Variants in PIAS3 observed in about 807,000 individuals in gnomAD.
The protein encoded by PIAS3 is E3 SUMO-protein ligase PIAS3.
A neutral mutation model predicts 67.6 loss-of-function variants in PIAS3; 34 were observed. The observed-to-expected ratio is 0.50, with a 90% confidence interval of 0.38 to 0.67. PIAS3 has a LOEUF of 0.67. PIAS3 is among the 30% of genes least tolerant of loss of function. The pLI, the probability that PIAS3 is intolerant of heterozygous loss-of-function variation, is 0.00. For missense variants in PIAS3, 693 were observed against 791.6 expected (o/e 0.88, Z 1.49); for synonymous variants, 341 against 313.8 (o/e 1.09, Z -0.92).
Position 145,856,681 on chromosome 1 carries a change from G to A in PIAS3, c.350C>T (p.Pro117Leu), listed in dbSNP as rs782331174. The A allele has an allele frequency of 1.2e-6, 2 of 1,609,344 alleles. No individual in the cohort carries two copies. Among genetic ancestry groups the A allele is most frequent in the Admixed American group, 1.7e-5 (1 of 59,704 alleles). Residue 117 changes from proline to leucine, a missense_variant, in exon 2 of 14, where the codon CCC becomes CTC. Coordinates refer to ENST00000393045, the MANE Select transcript of PIAS3 (RefSeq NM_006099.3). ...AGGGTGCACAGGCTGGGGCAGAGGG[G>A]GGTGCATGTCCACCTCACGCTTGGG... ...LGPKREVDMH[P>L]PLPQPVHPDV... is the part of the protein sequence containing the mutation.
intron 9 of PIAS3, among the ~76,000 whole-genome samples, chr1:145,852,352 A>T (rs1652995840): frequency 2.6e-5 from 4 of 152,240 alleles, no homozygotes; most frequent in Admixed American, 2.6e-4. Context: ...AGATCAAAAG[A>T]TTAGAACATC....
chr1:145,852,754 C>T (rs1215539800), intron 9 of PIAS3, among the ~76,000 whole-genome samples: 1 of 152,030 alleles, frequency 6.6e-6, no homozygotes, highest in African/African-American at 2.4e-5. Context: ...TTATAACATG[C>T]CTGGCTAATT....
chr1:145,856,844 G>A lies in PIAS3; in HGVS notation c.187C>T (p.Arg63Ter), dbSNP rs868988923. Reference protein sequence around the residue: ...VQMKIKELYRRRFPRKTLGPS... With the variant: ...VQMKIKELYR ...CCCAGGGTCTTCCGGGGAAAGCGTC[G>A]TCGGTAAAGCTCTTTGATCTTCATC... The change falls in exon 2 of 14, where the codon CGA becomes TGA. Residue 63 changes from arginine to a stop codon, truncating the protein, a stop_gained. Coordinates refer to ENST00000393045, the MANE Select transcript of PIAS3 (RefSeq NM_006099.3). LOFTEE classifies it high-confidence loss of function. 6.8e-6 allele frequency: 11 copies of A among 1,614,136 alleles called. No individual in the cohort carries two copies. Among genetic ancestry groups the A allele is most frequent in the Non-Finnish European group, 7.6e-6 (9 of 1,180,010 alleles).
chr1:145,851,267 A>G, intron 9 of PIAS3, 114 bp from the exon 10 acceptor site: 1 of 1,108,314 alleles, frequency 9.0e-7, no homozygotes, highest in South Asian at 1.4e-5. Context: ...AAATAAGAAC[A>G]TTATCCATCC....
At position 145,851,123 on chromosome 1, in the gene PIAS3, T is replaced by C. The variant is rs1553734258; in HGVS notation, c.1176A>G (p.Ser392=). 3.1e-6 allele frequency: 5 copies of C among 1,614,070 alleles called. No individual in the cohort carries two copies. The South Asian group carries it at 5.5e-5, about 18-fold the overall frequency. The part of the protein sequence containing the change: ...GLFMEILSSC[S]DCDEIQFMED... ...CCATGAATTGGATCTCATCACAATC[T>C]GAACAGGAACTAAGAATCTCCATAA... is the stretch of plus-strand genomic sequence containing the variant. The change falls in exon 10 of 14, where the codon TCA becomes TCG. Residue 392 remains serine (S), a synonymous_variant. Transcript: ENST00000393045.
At chr1:145,855,664 A>G in intron 5 of PIAS3, 72 bp downstream of exon 5, 1 of 829,578 alleles carries the variant, frequency 1.2e-6, no homozygotes. Context: ...CTCTTTCAGA[A>G]TAGGTTTGTA....
At chr1:145,854,382 T>C in intron 7 of PIAS3, 76 bp downstream of exon 7, 1 of 1,018,488 alleles carries the variant, frequency 9.8e-7, no homozygotes, top group South Asian at 1.3e-5. Context: ...GAGGTATGGG[T>C]TTAATTATGA....
chr1:145,849,306 G>A lies in PIAS3; in HGVS notation c.*140C>T. 1 of 798,842 alleles carries A rather than the reference G, an allele frequency of 1.3e-6. No homozygotes were observed. The allele number at this position is 798,842 out of a possible 1,614,324, so 49.5% of individuals were successfully genotyped here. Reference sequence around the variant, plus strand: ...GGTGCTGGCCTTGTCAGGCAGAGATGAGGCCAAAAGTAGGCATCTGTGAAG... The same window carrying A: ...GGTGCTGGCCTTGTCAGGCAGAGATAAGGCCAAAAGTAGGCATCTGTGAAG... On this transcript the variant is annotated 3_prime_UTR_variant, in exon 14 of 14. Coordinates refer to ENST00000393045, the MANE Select transcript of PIAS3 (RefSeq NM_006099.3).
Position 145,859,023 on chromosome 1 carries a change from G to A in PIAS3, c.-33C>T. 3.9e-6 allele frequency: 6 copies of A among 1,542,074 alleles called. No individual in the cohort carries two copies. The highest frequency in any genetic ancestry group is 4.4e-6 in the Non-Finnish European group (5 of 1,144,916). On this transcript the variant is annotated 5_prime_UTR_variant, in exon 1 of 14. Coordinates refer to ENST00000393045, the MANE Select transcript of PIAS3 (RefSeq NM_006099.3). ...CATCGCAGGCGCCCCAGCCGGAGCC[G>A]GAGCTCAGGCCCAGGGACCGGCGCA...
rs1184423864 is a variant in PIAS3 at position 145,853,409 on chromosome 1, C to CAA, written c.1145+93_1145+94dup. On this transcript the variant is annotated intron_variant, in intron 9 of 13. Coordinates refer to ENST00000393045, the MANE Select transcript of PIAS3 (RefSeq NM_006099.3). The stretch of plus-strand genomic sequence containing the variant: ...TGGGGAACAGAGTAAGATTCCATCT[C>CAA]AAAAAAAAAAAAAAGAAAAGAAAAA... 4,858 of 766,132 alleles carry CAA rather than the reference C, an allele frequency of 6.3e-3. 4 individuals carry two copies. Among genetic ancestry groups the CAA allele is most frequent in the African/African-American group, 0.019 (719 of 37,314 alleles). The allele number at this position is 766,132 out of a possible 1,614,324, so 47.5% of individuals were successfully genotyped here.
rs1653317552 is a variant in PIAS3, at chr1:145,859,046, G to C, written c.-56C>G. The stretch of plus-strand genomic sequence containing the variant: ...CCGGAGCTCAGGCCCAGGGACCGGC[G>C]CACAACTCTCCACCCTGGCGCCGGC... On this transcript the variant is annotated 5_prime_UTR_variant, in exon 1 of 14. Transcript: ENST00000393045. 1.2e-5 allele frequency: 18 copies of C among 1,520,218 alleles called. No individual in the cohort carries two copies. Among genetic ancestry groups the C allele is most frequent in the Non-Finnish European group, 1.4e-5 (16 of 1,130,150 alleles). The allele number at this position is 1,520,218 out of a possible 1,614,324, so 94.2% of individuals were successfully genotyped here.
chr1:145,849,027 TGAA>T lies in PIAS3; in HGVS notation c.*416_*418del, dbSNP rs1652846633. On this transcript the variant is annotated 3_prime_UTR_variant, in exon 14 of 14. Coordinates refer to ENST00000393045, the MANE Select transcript of PIAS3 (RefSeq NM_006099.3). The stretch of plus-strand genomic sequence containing the variant: ...AATAGACATGAAGAGACAATGGATG[TGAA>T]GAAGAAATAGAGCCATGGGTTTGGG... 1 of 165,330 alleles carries T rather than the reference TGAA, an allele frequency of 6.0e-6. No homozygotes were observed. 10.2% of individuals were successfully genotyped at this position (165,330 alleles called of 1,614,324 possible). A position where few individuals can be genotyped will look rare whatever the true frequency, so the allele number is the denominator to read the frequency against.
chr1:145,855,460 T>C (rs1358120134), intron 5 of PIAS3, among the ~76,000 whole-genome samples: 1 of 151,000 alleles, frequency 6.6e-6, no homozygotes, highest in Non-Finnish European at 1.5e-5. Flanking sequence ...CCAGCCTGAG[T>C]GACAGAGCGA....
rs1553735748 is a variant in PIAS3 at position 145,856,833 on chromosome 1, G to A, written c.198C>T (p.Pro66=). 12 of 1,614,148 alleles carry A rather than the reference G, an allele frequency of 7.4e-6. No homozygotes were observed. The highest frequency in any genetic ancestry group is 2.2e-5 in the South Asian group (2 of 91,088). Residue 66 remains proline (P), a synonymous_variant, in exon 2 of 14, where the codon CCC becomes CCT. Coordinates refer to ENST00000393045, the MANE Select transcript of PIAS3 (RefSeq NM_006099.3). Reference sequence around the variant, plus strand: ...GATCAGAGGGCCCCAGGGTCTTCCGGGGAAAGCGTCGTCGGTAAAGCTCTT... The same window carrying A: ...GATCAGAGGGCCCCAGGGTCTTCCGAGGAAAGCGTCGTCGGTAAAGCTCTT... ...KIKELYRRRF[P]RKTLGPSDLS...
intron 1 of PIAS3, among the ~76,000 whole-genome samples, chr1:145,858,299 A>G (rs782074529): frequency 1.4e-4 from 21 of 151,640 alleles, no homozygotes; most frequent in Non-Finnish European, 2.5e-4. Flanking sequence ...TTTTTTCTCC[A>G]TTAGCTTCCC....
In PIAS3 at chr1:145,859,073, G is replaced by A; in HGVS notation, c.-83C>T. Reference sequence around the variant, plus strand: ...ACAACTCTCCACCCTGGCGCCGGCCGCAAATGCCGCCTGCTCCGCCCAGTC... The same window carrying A: ...ACAACTCTCCACCCTGGCGCCGGCCACAAATGCCGCCTGCTCCGCCCAGTC... On this transcript the variant is annotated 5_prime_UTR_variant, in exon 1 of 14. Coordinates refer to ENST00000393045, the MANE Select transcript of PIAS3 (RefSeq NM_006099.3). 2 of 1,395,150 alleles carry A rather than the reference G, an allele frequency of 1.4e-6. No homozygotes were observed. Among genetic ancestry groups the A allele is most frequent in the Non-Finnish European group, 9.7e-7 (1 of 1,032,036 alleles). The allele number at this position is 1,395,150 out of a possible 1,614,324, so 86.4% of individuals were successfully genotyped here.
rs1358643319 is a variant in PIAS3, at chr1:145,848,768, C to T, written c.*678G>A. ...ACTTAGATATATAAATAGAGAGAGA[C>T]CCAAGCAATAGGCCGGGCCTGACTC... On this transcript the variant is annotated 3_prime_UTR_variant, in exon 14 of 14. Transcript: ENST00000393045. 2.9e-5 allele frequency: 9 copies of T among 305,152 alleles called. No homozygotes were observed. The highest frequency in any genetic ancestry group is 1.1e-4 in the African/African-American group (5 of 46,270). The allele number at this position is 305,152 out of a possible 1,614,324, so 18.9% of individuals were successfully genotyped here.
In PIAS3 at chr1:145,850,462, C is replaced by T. The variant is rs781851161; in HGVS notation, c.1573G>A (p.Asp525Asn). ...ATGACCCATGTCATACCTTGGATGT[C>T]GGCTCCCAGTGGGAAGGCAGGTGGG... The part of the protein sequence containing the change: ...EYPPAFPLGA[D>N]IQGLDLFSFL... The change falls in exon 12 of 14, where the codon GAC becomes AAC. Residue 525 changes from aspartate to asparagine, a missense_variant. Asp to Asn is a conservative substitution (Grantham distance 23). Coordinates refer to ENST00000393045, the MANE Select transcript of PIAS3 (RefSeq NM_006099.3). 6.8e-6 allele frequency: 11 copies of T among 1,614,022 alleles called. No homozygotes were observed. In the East Asian group the frequency reaches 1.1e-4, roughly 16 times the overall value.
chr1:145,856,020 C>G (rs782380370), intron 4 of PIAS3, 48 bp downstream of exon 4: 1 of 1,485,640 alleles, frequency 6.7e-7, no homozygotes, highest in South Asian at 1.1e-5. Flanking sequence ...CCCTACTTCA[C>G]TCCTACCCCC....
Sources: allele counts gnomAD v4.1 joint callset (sites outside exome capture counted in the v4.1 genomes callset), GRCh38; gene constraint gnomAD v4.1.1; transcripts MANE v1.5; gene names NCBI Gene and HGNC (gene_info 2026-07-23, HGNC 2026-07-21).